Variants in RAI1 observed in about 807,000 individuals in gnomAD.
The protein encoded by RAI1 is retinoic acid induced 1, also known as retinoic acid-induced protein 1.
RAI1 carries 9 observed loss-of-function variants against 123.8 expected under a neutral mutation model. The observed-to-expected ratio is 0.07, with a 90% CI of 0.04 to 0.13. The LOEUF (loss-of-function observed/expected upper bound fraction) is 0.13. Ranked by LOEUF, RAI1 falls within the 10% of genes least tolerant of loss-of-function variation. The probability of loss-of-function intolerance (pLI) is 1.00; values close to 1 mark genes in which losing one functional copy is unlikely to be tolerated. For synonymous variants in RAI1, 1,231 were observed against 1,127.3 expected, an observed-to-expected ratio of 1.09 and a Z score of -1.84; for missense variants, 2,256 against 2,545.8, an observed-to-expected ratio of 0.89 and a Z score of 2.45.
At chr17:17,728,681 A>G (rs1318485253) in intron 2 of RAI1, among the ~76,000 whole-genome samples, 3 of 152,150 alleles carry the variant, frequency 2.0e-5, no homozygotes, top group African/African-American at 4.8e-5. Flanking sequence ...ACCCAGCCCC[A>G]TGGATCTCCA....
At chr17:17,699,640 G>GA (rs397955784) in intron 1 of RAI1, among the ~76,000 whole-genome samples, 13 of 138,436 alleles carry the variant, frequency 9.4e-5, no homozygotes, top group African/African-American at 3.4e-4. Context: ...GGGGGGGGGG[G>GA]AATCAAATGA....
At chr17:17,703,124 C>A (rs905559908) in intron 1 of RAI1, among the ~76,000 whole-genome samples, 1 of 152,184 alleles carries the variant, frequency 6.6e-6, no homozygotes, top group Non-Finnish European at 1.5e-5. Flanking sequence ...CATCACTCTT[C>A]CTCCCAACCT....
chr17:17,807,258 C>CGGGGGGGGGGGGGGG (rs1432018630), intron 4 of RAI1, among the ~76,000 whole-genome samples: 2 of 4,434 alleles, frequency 4.5e-4, no homozygotes, highest in Non-Finnish European at 6.0e-4. Context: ...GTGGGGGGGG[C>CGGGGGGGGGGGGGGG]GGGGGGGTGG....
chr17:17,717,772 T>C (rs1915757600), intron 1 of RAI1, among the ~76,000 whole-genome samples: 2 of 152,064 alleles, frequency 1.3e-5, no homozygotes, highest in South Asian at 4.1e-4. Flanking sequence ...TGAATACCCA[T>C]AGTCTGGATG....
chr17:17,810,509 A>G lies in RAI1; in HGVS notation c.*528A>G, dbSNP rs2032720643. 2 of 265,666 alleles carry G rather than the reference A, an allele frequency of 7.5e-6. No individual in the cohort carries two copies. The highest frequency in any genetic ancestry group is 1.5e-5 in the Non-Finnish European group (2 of 132,760). The allele number at this position is 265,666 out of a possible 1,614,324, so 16.5% of individuals were successfully genotyped here. A position where few individuals can be genotyped will look rare whatever the true frequency, so the allele number is the denominator to read the frequency against. On this transcript the variant is annotated 3_prime_UTR_variant, in exon 6 of 6. Transcript: ENST00000353383. This position sits in a 1 kb window ranked among gnomAD's most constrained non-coding sequence, Gnocchi z 4.6. ...CCGTGGACTAGGCGGGGGAGAAAGG[A>G]AGCCTTTCTGAGAGCGGGCTAGGCC...
Position 17,809,907 on chromosome 17 carries a change from G to T in RAI1, c.5710-63G>T. ...CTTAGGCGGGGGGCCCACACTGGGGGCGGGGCCTATGGACTGTGAAGTCCG... is the reference window on the plus strand; with the variant it reads ...CTTAGGCGGGGGGCCCACACTGGGGTCGGGGCCTATGGACTGTGAAGTCCG... On this transcript the variant is annotated intron_variant, in intron 5 of 5. Transcript: ENST00000353383. The surrounding 1 kb of genome is among the most constrained non-coding windows in gnomAD (Gnocchi z 4.9). The T allele has an allele frequency of 1.3e-6, 2 of 1,550,872 alleles. No individual in the cohort carries two copies. Among genetic ancestry groups the T allele is most frequent in the African/African-American group, 2.7e-5 (2 of 73,266 alleles).
At position 17,793,392 on chromosome 17, in the gene RAI1, G is replaced by T. The variant is rs1365036886; in HGVS notation, c.444G>T (p.Lys148Asn). Residue 148 changes from lysine to asparagine, a missense_variant, in exon 3 of 6, where the codon AAG becomes AAT. Around this residue, in one of 7 missense-constraint regions of RAI1, gnomAD observed 336 missense variants for 349.8 expected, o/e 0.96. Coordinates refer to ENST00000353383, the MANE Select transcript of RAI1 (RefSeq NM_030665.4). ...VAKYDENLMK[K>N]TAVPPSRQYA... ...AGTATGATGAGAACTTGATGAAAAA[G>T]ACAGCAGTGCCCCCCAGCAGGCAGT... 1.2e-6 allele frequency: 2 copies of T among 1,613,470 alleles called. No homozygotes were observed. Among genetic ancestry groups the T allele is most frequent in the Non-Finnish European group, 1.7e-6 (2 of 1,179,962 alleles).
At chr17:17,711,363 ACT>A (rs1336472120) in intron 1 of RAI1, among the ~76,000 whole-genome samples, 1 of 152,188 alleles carries the variant, frequency 6.6e-6, no homozygotes, top group African/African-American at 2.4e-5. Flanking sequence ...GCATTTTGGC[ACT>A]GAGTGTGACC....
At chr17:17,757,945 G>A (rs898959897) in intron 2 of RAI1, among the ~76,000 whole-genome samples, 7 of 152,182 alleles carry the variant, frequency 4.6e-5, no homozygotes, top group Non-Finnish European at 1.0e-4. Flanking sequence ...TCTGGGCCTC[G>A]GTTTCCCTGT....
At position 17,798,239 on chromosome 17, in the gene RAI1, C is replaced by A; in HGVS notation, c.5291C>A (p.Ala1764Asp). 6 of 1,609,384 alleles carry A rather than the reference C, an allele frequency of 3.7e-6. No individual in the cohort carries two copies. The highest frequency in any genetic ancestry group is 5.1e-6 in the Non-Finnish European group (6 of 1,178,196). The part of the protein sequence containing the change: ...PPRPDGPADP[A>D]KQGPLRTSAR... ...AGGCCTGACGGCCCAGCTGACCCGG[C>A]CAAGCAGGGCCCACTGCGCACCAGT... is the stretch of plus-strand genomic sequence containing the variant. Residue 1764 changes from alanine to aspartate, a missense_variant, in exon 3 of 6, where the codon GCC becomes GAC. By Grantham distance (126) the Ala-to-Asp change is moderately radical (BLOSUM62 -2). Coordinates refer to ENST00000353383, the MANE Select transcript of RAI1 (RefSeq NM_030665.4).
intron 2 of RAI1, among the ~76,000 whole-genome samples, chr17:17,782,402 C>T (rs562387910): frequency 1.3e-5 from 2 of 151,982 alleles, no homozygotes; most frequent in Admixed American, 6.5e-5. Context: ...GAGCGGGATT[C>T]CCCCTCCTCC....
At chr17:17,738,602 G>A (rs941938807) in intron 2 of RAI1, among the ~76,000 whole-genome samples, 3 of 152,182 alleles carry the variant, frequency 2.0e-5, no homozygotes, top group Non-Finnish European at 4.4e-5. Context: ...ATGAGCCTGG[G>A]GTCCACCCCT....
intron 1 of RAI1, among the ~76,000 whole-genome samples, chr17:17,696,162 C>A (rs1025161411): frequency 7.9e-5 from 12 of 152,100 alleles, no homozygotes; most frequent in African/African-American, 2.4e-4. Flanking sequence ...ATAATTCCAC[C>A]AGCAGTATAT....
chr17:17,797,543 G>A lies in RAI1; in HGVS notation c.4595G>A (p.Ser1532Asn). ...AAACAGCCAGGCCACACCAACTACA[G>A]CAGCTATTCCAAGCGGAAGCGCCTC... ...AQKQPGHTNY[S>N]SYSKRKRLTR... Residue 1532 changes from serine to asparagine, a missense_variant, in exon 3 of 6, where the codon AGC becomes AAC. Transcript: ENST00000353383. The A allele has an allele frequency of 6.2e-7, 1 of 1,614,080 alleles. No individual in the cohort carries two copies. The highest frequency in any genetic ancestry group is 8.5e-7 in the Non-Finnish European group (1 of 1,180,010).
At chr17:17,697,030 A>G (rs1335512729) in intron 1 of RAI1, among the ~76,000 whole-genome samples, 1 of 152,178 alleles carries the variant, frequency 6.6e-6, no homozygotes, top group Non-Finnish European at 1.5e-5. Context: ...CCCTCTGCCC[A>G]GCTGCCCCTT....
chr17:17,691,686 G>T (rs1914842154), intron 1 of RAI1, among the ~76,000 whole-genome samples: 1 of 152,186 alleles, frequency 6.6e-6, no homozygotes, highest in Non-Finnish European at 1.5e-5. Context: ...GGCCCAGGAA[G>T]TGGCTTCCAG....
rs140258257 is a variant in RAI1 at position 17,699,632 on chromosome 17, G to A, written c.-149+17839G>A. On this transcript the variant is annotated intron_variant, in intron 1 of 5. Coordinates refer to ENST00000353383, the MANE Select transcript of RAI1 (RefSeq NM_030665.4). ...AGCCCATCCATTGTCGGGGGGCCGG[G>A]GGGGGGGGAATCAAATGAATTGCCA... Among the ~76,000 whole-genome samples the A allele has an allele frequency of 3.5e-4, 53 of 149,930 alleles. 1 individual carries two copies. Among genetic ancestry groups the A allele is most frequent in the Non-Finnish European group, 6.1e-4 (41 of 67,472 alleles).
chr17:17,763,591 G>T (rs898844299), intron 2 of RAI1, among the ~76,000 whole-genome samples: 1 of 152,142 alleles, frequency 6.6e-6, no homozygotes, highest in African/African-American at 2.4e-5. Flanking sequence ...GCAGGGAGAA[G>T]TGTGCTGGGC....
In RAI1 at chr17:17,798,089, A is replaced by T; in HGVS notation, c.5141A>T (p.Lys1714Ile). 1 of 1,613,950 alleles carries T rather than the reference A, an allele frequency of 6.2e-7. No individual in the cohort carries two copies. Among genetic ancestry groups the T allele is most frequent in the Non-Finnish European group, 8.5e-7 (1 of 1,180,030 alleles). ...TACTACCCTGAACACTGCCTCCCCA[A>T]AAAGAAGCCAAAACTCAAGGAGAAG... ...GPYYPEHCLP[K>I]KKPKLKEKVR... The change falls in exon 3 of 6, where the codon AAA becomes ATA. Residue 1714 changes from lysine to isoleucine, a missense_variant. Lys to Ile is a moderately radical substitution (Grantham distance 102, BLOSUM62 -3). Coordinates refer to ENST00000353383, the MANE Select transcript of RAI1 (RefSeq NM_030665.4).
Sources: allele counts gnomAD v4.1 joint callset (sites outside exome capture counted in the v4.1 genomes callset), GRCh38; gene constraint gnomAD v4.1.1; regional missense constraint gnomAD v4.1.1; non-coding constraint Gnocchi (gnomAD v3.1); transcripts MANE v1.5; gene names NCBI Gene and HGNC (gene_info 2026-07-23, HGNC 2026-07-21).